SCAMP1: variants seen among roughly 807,000 people sequenced by gnomAD.
The protein encoded by SCAMP1 is secretory carrier membrane protein 1.
In SCAMP1, 15 loss-of-function variants were observed where a neutral mutation model predicts 41.8. The observed-to-expected ratio is 0.36, with a 90% CI of 0.24 to 0.55. The LOEUF (loss-of-function observed/expected upper bound fraction) is 0.55, where lower values mean the gene tolerates loss of function less well. Among genes scored for constraint, SCAMP1 ranks in the 20% least tolerant of loss-of-function variants. SCAMP1 has a pLI of 0.86. For synonymous variants in SCAMP1, 135 were observed against 136.8 expected (o/e 0.99, Z 0.09); for missense variants, 341 against 412.6 (o/e 0.83, Z 1.50).
At chr5:78,428,951 G>A (rs912575282) in intron 6 of SCAMP1, among the ~76,000 whole-genome samples, 1 of 151,890 alleles carries the variant, frequency 6.6e-6, no homozygotes, top group Non-Finnish European at 1.5e-5. Context: ...TTCATATATT[G>A]ATCTTGTATC....
chr5:78,369,554 G>A (rs1227149645), intron 1 of SCAMP1, among the ~76,000 whole-genome samples: 1 of 152,160 alleles, frequency 6.6e-6, no homozygotes, highest in Non-Finnish European at 1.5e-5. Context: ...GCAATATTGC[G>A]AATACTACCG....
At chr5:78,439,847 TAC>T (rs1399579337) in intron 6 of SCAMP1, among the ~76,000 whole-genome samples, 1 of 152,232 alleles carries the variant, frequency 6.6e-6, no homozygotes, top group Non-Finnish European at 1.5e-5. Context: ...CACTTTCAGG[TAC>T]ACCAATGAGA....
chr5:78,439,719 C>T (rs1048653365), intron 6 of SCAMP1, among the ~76,000 whole-genome samples: 1 of 152,126 alleles, frequency 6.6e-6, no homozygotes, highest in African/African-American at 2.4e-5. Context: ...CAGGTAGTAT[C>T]TGTGTGGCGT....
rs1280197847 is a variant in SCAMP1, at chr5:78,475,551, A to G, written c.900A>G (p.Gln300=). The stretch of plus-strand genomic sequence containing the variant: ...CAGGTGCTAGTTTTGAGAAGGCCCA[A>G]CAGGAGTTTGCAACAGGTGTGATGT... ...RTTGASFEKA[Q]QEFATGVMSN... is the part of the protein sequence containing the mutation. The change falls in exon 9 of 9, where the codon CAA becomes CAG. Residue 300 remains glutamine (Q), a synonymous_variant. Transcript: ENST00000621999. 5.6e-6 allele frequency: 9 copies of G among 1,611,602 alleles called. No homozygotes were observed. Among genetic ancestry groups the G allele is most frequent in the African/African-American group, 2.7e-5 (2 of 74,952 alleles).
At chr5:78,467,898 C>CA (rs1016817385) in intron 8 of SCAMP1, among the ~76,000 whole-genome samples, 3 of 152,054 alleles carry the variant, frequency 2.0e-5, no homozygotes, top group Non-Finnish European at 2.9e-5. Context: ...AGTTTAATGA[C>CA]AAAAAATCCT....
intron 2 of SCAMP1, among the ~76,000 whole-genome samples, chr5:78,401,922 T>C (rs768455235): frequency 6.6e-6 from 1 of 152,194 alleles, no homozygotes; most frequent in Non-Finnish European, 1.5e-5. Flanking sequence ...ACTTGGAGTA[T>C]GGATTTTAGA....
intron 8 of SCAMP1, among the ~76,000 whole-genome samples, chr5:78,474,008 TTC>T (rs1034237235): frequency 2.0e-5 from 3 of 151,934 alleles, no homozygotes; most frequent in African/African-American, 7.3e-5. Context: ...CATAGACAGT[TTC>T]TGTGTCCTTT....
At chr5:78,468,330 G>GT (rs1256996079) in intron 8 of SCAMP1, among the ~76,000 whole-genome samples, 1 of 152,132 alleles carries the variant, frequency 6.6e-6, no homozygotes, top group Admixed American at 6.6e-5. Flanking sequence ...TCCAAATGGT[G>GT]TTTTTACAAA....
chr5:78,460,279 G>T (rs934559307), intron 8 of SCAMP1, among the ~76,000 whole-genome samples: 1 of 152,184 alleles, frequency 6.6e-6, no homozygotes, highest in Admixed American at 6.5e-5. Flanking sequence ...AGTATAGGGT[G>T]ATTGCTGGGT....
At chr5:78,467,963 G>T (rs1276704890) in intron 8 of SCAMP1, among the ~76,000 whole-genome samples, 1 of 152,166 alleles carries the variant, frequency 6.6e-6, no homozygotes, top group Admixed American at 6.6e-5. Flanking sequence ...TTCAAGAACA[G>T]TTAATGCCCT....
intron 8 of SCAMP1, among the ~76,000 whole-genome samples, 181 bp from the exon 9 acceptor site, chr5:78,475,323 A>G (rs540638140): frequency 4.3e-4 from 65 of 152,214 alleles, no homozygotes; most frequent in African/African-American, 1.4e-3. Flanking sequence ...AGGAAAACCT[A>G]TATTAAGAAA....
At position 78,475,911 on chromosome 5, in the gene SCAMP1, T is replaced by C. The variant is rs1251983315; in HGVS notation, c.*243T>C. On this transcript the variant is annotated 3_prime_UTR_variant, in exon 9 of 9. Coordinates refer to ENST00000621999, the MANE Select transcript of SCAMP1 (RefSeq NM_004866.6). ...GCTAAATAAATATTCTCCATATTTTTGGGGGATGACATTCAGTGAATTATT... is the reference window on the plus strand; with the variant it reads ...GCTAAATAAATATTCTCCATATTTTCGGGGGATGACATTCAGTGAATTATT... 4.3e-6 allele frequency: 1 copy of C among 232,834 alleles called. No individual in the cohort carries two copies. The highest frequency in any genetic ancestry group is 5.5e-5 in the Admixed American group (1 of 18,238). The allele number at this position is 232,834 out of a possible 1,614,324, so 14.4% of individuals were successfully genotyped here. A position where few individuals can be genotyped will look rare whatever the true frequency, so the allele number is the denominator to read the frequency against.
chr5:78,391,690 A>C (rs1267099474), intron 2 of SCAMP1, among the ~76,000 whole-genome samples: 1 of 152,182 alleles, frequency 6.6e-6, no homozygotes, highest in Non-Finnish European at 1.5e-5. Context: ...AGCCGAGATC[A>C]CGCCACCGCA....
intron 1 of SCAMP1, among the ~76,000 whole-genome samples, chr5:78,362,558 A>G (rs975615142): frequency 3.9e-5 from 6 of 152,236 alleles, no homozygotes; most frequent in African/African-American, 1.4e-4. Flanking sequence ...AAGTGGATGT[A>G]TCCAGGACAA....
At chr5:78,423,420 G>A (rs1752389386) in intron 6 of SCAMP1, among the ~76,000 whole-genome samples, 1 of 152,076 alleles carries the variant, frequency 6.6e-6, no homozygotes, top group Non-Finnish European at 1.5e-5. Flanking sequence ...GGCTTTTTCT[G>A]TTTTTTGTTA....
intron 7 of SCAMP1, among the ~76,000 whole-genome samples, chr5:78,451,531 T>G (rs1436224837): frequency 6.6e-6 from 1 of 152,222 alleles, no homozygotes; most frequent in Non-Finnish European, 1.5e-5. Flanking sequence ...TGTTGTTTTG[T>G]CATTTCAAGA....
intron 1 of SCAMP1, among the ~76,000 whole-genome samples, chr5:78,383,659 A>G (rs979161890): frequency 2.0e-5 from 3 of 152,162 alleles, no homozygotes; most frequent in African/African-American, 7.2e-5. Flanking sequence ...TGGCTTGCCA[A>G]TGATCCCAGC....
At chr5:78,403,236 G>A (rs1751843273) in intron 2 of SCAMP1, among the ~76,000 whole-genome samples, 1 of 152,070 alleles carries the variant, frequency 6.6e-6, no homozygotes, top group Non-Finnish European at 1.5e-5. Context: ...TTGCCCTAGA[G>A]TTTGCAATAT....
intron 2 of SCAMP1, among the ~76,000 whole-genome samples, chr5:78,402,401 T>G (rs1303443774): frequency 6.6e-6 from 1 of 152,160 alleles, no homozygotes; most frequent in East Asian, 1.9e-4. Context: ...TCGGTCCGTT[T>G]CTGATTTGAG....
Sources: allele counts gnomAD v4.1 joint callset (sites outside exome capture counted in the v4.1 genomes callset), GRCh38; gene constraint gnomAD v4.1.1; transcripts MANE v1.5; gene names NCBI Gene and HGNC (gene_info 2026-07-23, HGNC 2026-07-21).